The following GPC6 variants were observed in gnomAD, a reference collection of about 807,000 sequenced individuals.
GPC6 encodes glypican-6.
A neutral mutation model predicts 55.2 loss-of-function variants in GPC6; 14 were observed. The ratio of observed to expected loss-of-function variants is 0.25; its 90% CI spans 0.17 to 0.40. GPC6 has a LOEUF of 0.40. Ranked by LOEUF, GPC6 falls within the 10% of genes least tolerant of loss-of-function variation. The pLI, the probability that GPC6 is intolerant of heterozygous loss-of-function variation, is 1.00. For missense variants in GPC6, 641 were observed against 708.5 expected (o/e 0.90, Z 1.08); for synonymous variants, 278 against 259.6 (o/e 1.07, Z -0.68).
At chr13:94,341,323 G>A (rs1290575109) in intron 6 of GPC6, among the ~76,000 whole-genome samples, 6 of 152,096 alleles carry the variant, frequency 3.9e-5, no homozygotes, top group Admixed American at 1.3e-4. Context: ...AGTAGGTCAC[G>A]CTTATAATCC....
chr13:93,929,468 T>G (rs1878043881), intron 3 of GPC6, among the ~76,000 whole-genome samples: 1 of 152,228 alleles, frequency 6.6e-6, no homozygotes, highest in Non-Finnish European at 1.5e-5. Context: ...TTAAAAAATC[T>G]CTAACATTTT....
rs376303508 is a variant in GPC6 at position 93,544,096 on chromosome 13, A to T, written c.161-1167A>T. On this transcript the variant is annotated intron_variant, in intron 1 of 8. Coordinates refer to ENST00000377047, the MANE Select transcript of GPC6 (RefSeq NM_005708.5). ...CTTTTTTTTTTGTTGTAATTGTTGG[A>T]CATTTGAGTGTCTTTTAATTAGGAA... is the stretch of plus-strand genomic sequence containing the variant. Among the ~76,000 whole-genome samples the T allele has an allele frequency of 3.0e-4, 45 of 151,708 alleles. 1 individual carries two copies. The East Asian group carries it at 5.8e-3, about 20-fold the overall frequency.
intron 1 of GPC6, among the ~76,000 whole-genome samples, chr13:93,446,371 C>T (rs1326470342): frequency 1.3e-5 from 2 of 151,936 alleles, no homozygotes; most frequent in Non-Finnish European, 2.9e-5. Flanking sequence ...CTGAGATCAT[C>T]TTTGTTAGGT....
chr13:93,520,633 G>A (rs1054486313), intron 1 of GPC6, among the ~76,000 whole-genome samples: 2 of 151,786 alleles, frequency 1.3e-5, no homozygotes, highest in Non-Finnish European at 2.9e-5. Context: ...AAGATTCTCT[G>A]TGTTTTAATT....
intron 1 of GPC6, among the ~76,000 whole-genome samples, chr13:93,418,695 G>A (rs115991792): frequency 0.019 from 2,851 of 150,220 alleles, 112 homozygotes; most frequent in African/African-American, 0.066. Context: ...GTGCTATACC[G>A]TAGTGTCATT....
At chr13:93,244,166 G>A (rs1404937871) in intron 1 of GPC6, among the ~76,000 whole-genome samples, 1 of 152,148 alleles carries the variant, frequency 6.6e-6, no homozygotes, top group Non-Finnish European at 1.5e-5. Flanking sequence ...CTGCATAAAA[G>A]AGTCCACGCT....
chr13:93,412,039 A>G (rs1594151490), intron 1 of GPC6, among the ~76,000 whole-genome samples: 3 of 151,992 alleles, frequency 2.0e-5, no homozygotes, highest in Middle Eastern at 6.8e-3. Context: ...ATAAATAGCC[A>G]TTATATTCTC....
At chr13:94,011,225 CT>C (rs1042257347) in intron 3 of GPC6, among the ~76,000 whole-genome samples, 1 of 152,048 alleles carries the variant, frequency 6.6e-6, no homozygotes, top group Non-Finnish European at 1.5e-5. Flanking sequence ...TTTCATCATT[CT>C]TTTAAGTAAT....
At chr13:93,409,278 A>C (rs562082876) in intron 1 of GPC6, among the ~76,000 whole-genome samples, 7 of 152,084 alleles carry the variant, frequency 4.6e-5, no homozygotes, top group South Asian at 2.1e-4. Flanking sequence ...GATGGACAAA[A>C]GTATATAACA....
intron 1 of GPC6, among the ~76,000 whole-genome samples, chr13:93,511,260 TG>T (rs1314116884): frequency 4.0e-5 from 6 of 151,608 alleles, no homozygotes; most frequent in Non-Finnish European, 5.9e-5. Flanking sequence ...GTAAGTTCTT[TG>T]TCTAGAACAA....
intron 7 of GPC6, among the ~76,000 whole-genome samples, chr13:94,386,776 A>C (rs559551073): frequency 6.6e-6 from 1 of 152,128 alleles, no homozygotes; most frequent in Non-Finnish European, 1.5e-5. Context: ...TGTTTTATCC[A>C]TCAGACTCTT....
chr13:94,130,438 A>G (rs554288342), intron 4 of GPC6, among the ~76,000 whole-genome samples: 10 of 152,284 alleles, frequency 6.6e-5, no homozygotes, highest in Admixed American at 2.6e-4. Flanking sequence ...TGTTAATACC[A>G]TAGCACTGTG....
chr13:94,042,752 C>T (rs1883585993), intron 4 of GPC6, among the ~76,000 whole-genome samples: 1 of 152,018 alleles, frequency 6.6e-6, no homozygotes, highest in East Asian at 1.9e-4. Flanking sequence ...TGTTTCTCCT[C>T]AACCTTTCAC....
At chr13:93,732,444 A>T (rs1255161087) in intron 2 of GPC6, among the ~76,000 whole-genome samples, 2 of 152,170 alleles carry the variant, frequency 1.3e-5, no homozygotes, top group Non-Finnish European at 2.9e-5. Context: ...GAGCGCTGAA[A>T]TGAGAAACTT....
At chr13:94,271,213 G>C (rs1379065992) in intron 4 of GPC6, among the ~76,000 whole-genome samples, 1 of 151,410 alleles carries the variant, frequency 6.6e-6, no homozygotes, top group Non-Finnish European at 1.5e-5. Flanking sequence ...GGATGGTCTC[G>C]ATCTCCTGAC....
chr13:93,794,370 G>C (rs1324026862), intron 2 of GPC6, among the ~76,000 whole-genome samples: 1 of 152,122 alleles, frequency 6.6e-6, no homozygotes. Context: ...TGAAACTCTG[G>C]GAGTGGGGCC....
At chr13:93,869,065 G>A (rs1049666293) in intron 3 of GPC6, among the ~76,000 whole-genome samples, 1 of 151,722 alleles carries the variant, frequency 6.6e-6, no homozygotes, top group Non-Finnish European at 1.5e-5. Flanking sequence ...TAATATACCC[G>A]TGCTACTAAG....
chr13:93,936,278 C>G (rs563481437), intron 3 of GPC6, among the ~76,000 whole-genome samples: 2 of 152,174 alleles, frequency 1.3e-5, no homozygotes, highest in East Asian at 3.9e-4. Context: ...TACCCTAAGT[C>G]ATCTATGTAC....
rs140907251 is a variant in GPC6 at position 93,497,513 on chromosome 13, A to T, written c.161-47750A>T. On this transcript the variant is annotated intron_variant, in intron 1 of 8. Coordinates refer to ENST00000377047, the MANE Select transcript of GPC6 (RefSeq NM_005708.5). ...AAAAGCCAAAAGGAAATTGTATTTC[A>T]AAGAGGGAAGGTCTGGCATTCCATA... is the stretch of plus-strand genomic sequence containing the variant. Among the ~76,000 whole-genome samples, 1,045 of 152,348 alleles carry T rather than the reference A, an allele frequency of 6.9e-3. 10 individuals are homozygous for T. Among genetic ancestry groups the T allele is most frequent in the African/African-American group, 0.024 (1,011 of 41,580 alleles).
Sources: allele counts gnomAD v4.1 joint callset (sites outside exome capture counted in the v4.1 genomes callset), GRCh38; gene constraint gnomAD v4.1.1; transcripts MANE v1.5; gene names NCBI Gene and HGNC (gene_info 2026-07-23, HGNC 2026-07-21).